CYP7B1: variants seen among roughly 807,000 people sequenced by gnomAD.
The protein encoded by CYP7B1 is cytochrome P450 7B1.
CYP7B1 carries 29 observed loss-of-function variants against 42.7 expected under a neutral mutation model. The ratio of observed to expected loss-of-function variants is 0.68; its 90% CI spans 0.51 to 0.93. CYP7B1 has a LOEUF of 0.93. Among genes scored for constraint, CYP7B1 ranks in the 40% least tolerant of loss-of-function variants. CYP7B1 has a pLI of 0.00. For missense variants in CYP7B1, 655 were observed against 600.5 expected, an observed-to-expected ratio of 1.09 and a Z score of -0.95; for synonymous variants, 235 against 218.2, an observed-to-expected ratio of 1.08 and a Z score of -0.68.
At position 64,607,409 on chromosome 8, in the gene CYP7B1, A is replaced by C. The variant is rs917574039; in HGVS notation, c.1058-2552T>G. Among the ~76,000 whole-genome samples the C allele has an allele frequency of 3.5e-4, 54 of 152,190 alleles. 1 individual carries two copies. Among genetic ancestry groups the C allele is most frequent in the African/African-American group, 1.3e-3 (53 of 41,510 alleles). On this transcript the variant is annotated intron_variant, in intron 4 of 5. Transcript: ENST00000310193. ...ATTCGCTCTAGAATTAAAAAAAAAA[A>C]AAAAAAACTTTCCATATACTTATAA...
Position 64,596,407 on chromosome 8 carries a change from C to A in CYP7B1, c.*235G>T. 1 of 425,576 alleles carries A rather than the reference C, an allele frequency of 2.3e-6. No individual in the cohort carries two copies. Among genetic ancestry groups the A allele is most frequent in the Non-Finnish European group, 4.2e-6 (1 of 236,792 alleles). The allele number at this position is 425,576 out of a possible 1,614,324, so 26.4% of individuals were successfully genotyped here. A position where few individuals can be genotyped will look rare whatever the true frequency, so the allele number is the denominator to read the frequency against. On this transcript the variant is annotated 3_prime_UTR_variant, in exon 6 of 6. Transcript: ENST00000310193. ...AGAAACTAAAAAAACAACAACAACCCTGTTTTGAGCCTACCCTTAAGTTGA... is the reference window on the plus strand; with the variant it reads ...AGAAACTAAAAAAACAACAACAACCATGTTTTGAGCCTACCCTTAAGTTGA...
chr8:64,722,680 C>T (rs1016454942), intron 1 of CYP7B1, among the ~76,000 whole-genome samples: 5 of 125,724 alleles, frequency 4.0e-5, no homozygotes, highest in Admixed American at 1.1e-4. Flanking sequence ...ACTGGGATCT[C>T]GTAGTATAAA....
At chr8:64,691,770 C>T (rs2129632229) in intron 1 of CYP7B1, among the ~76,000 whole-genome samples, 1 of 152,288 alleles carries the variant, frequency 6.6e-6, no homozygotes, top group African/African-American at 2.4e-5. Context: ...CCAACCTCCC[C>T]CATCTGCAGT....
At chr8:64,747,052 T>C (rs1807653547) in intron 1 of CYP7B1, among the ~76,000 whole-genome samples, 1 of 151,246 alleles carries the variant, frequency 6.6e-6, no homozygotes, top group Admixed American at 6.6e-5. Flanking sequence ...GAATTTGAAT[T>C]GATAAATTAA....
At chr8:64,694,345 A>G (rs1806791701) in intron 1 of CYP7B1, among the ~76,000 whole-genome samples, 1 of 152,226 alleles carries the variant, frequency 6.6e-6, no homozygotes. Context: ...GTAATTTTAA[A>G]TATGGCTTTT....
chr8:64,784,064 C>T (rs1804478914), intron 1 of CYP7B1, among the ~76,000 whole-genome samples: 1 of 151,994 alleles, frequency 6.6e-6, no homozygotes, highest in Admixed American at 6.6e-5. Context: ...AAACAAATAT[C>T]AAGAAAACCA....
At chr8:64,662,273 C>T (rs893129850) in intron 1 of CYP7B1, among the ~76,000 whole-genome samples, 11 of 151,884 alleles carry the variant, frequency 7.2e-5, no homozygotes, top group East Asian at 3.9e-4. Context: ...GTCGAGGCTG[C>T]GGTGTGCTTT....
At chr8:64,773,065 AT>A (rs1440084111) in intron 1 of CYP7B1, among the ~76,000 whole-genome samples, 1 of 152,000 alleles carries the variant, frequency 6.6e-6, no homozygotes, top group Non-Finnish European at 1.5e-5. Flanking sequence ...ACCCTGCTAT[AT>A]TTTTTCCACT....
At chr8:64,739,830 G>C (rs1807542935) in intron 1 of CYP7B1, among the ~76,000 whole-genome samples, 3 of 152,006 alleles carry the variant, frequency 2.0e-5, no homozygotes, top group Admixed American at 2.0e-4. Flanking sequence ...TAAGAATTAT[G>C]GTAGACTTCT....
chr8:64,722,741 GGC>G (rs1443098680), intron 1 of CYP7B1, among the ~76,000 whole-genome samples: 434 of 37,214 alleles, frequency 0.012, 37 homozygotes, highest in African/African-American at 0.025. Context: ...GATTTTTTGC[GGC>G]GGGGGGGGGG....
chr8:64,771,210 G>A (rs1474551277), intron 1 of CYP7B1, among the ~76,000 whole-genome samples: 2 of 151,470 alleles, frequency 1.3e-5, no homozygotes, highest in Non-Finnish European at 2.9e-5. Flanking sequence ...ACAGGTGCAT[G>A]CCACCATGCC....
chr8:64,691,160 C>G (rs1308703853), intron 1 of CYP7B1, among the ~76,000 whole-genome samples: 1 of 152,146 alleles, frequency 6.6e-6, no homozygotes, highest in African/African-American at 2.4e-5. Flanking sequence ...CAAAAAGTCT[C>G]AATAGACATG....
chr8:64,599,146 A>G (rs777594749), intron 5 of CYP7B1, among the ~76,000 whole-genome samples: 16 of 152,284 alleles, frequency 1.1e-4, no homozygotes, highest in Non-Finnish European at 2.4e-4. Context: ...TTCATTTGGA[A>G]AAACTTAAAC....
intron 1 of CYP7B1, among the ~76,000 whole-genome samples, chr8:64,745,054 G>A (rs1277137264): frequency 6.6e-6 from 1 of 152,144 alleles, no homozygotes; most frequent in Non-Finnish European, 1.5e-5. Flanking sequence ...AATGAAAGAT[G>A]TCTTTCAGAT....
intron 1 of CYP7B1, among the ~76,000 whole-genome samples, chr8:64,629,829 G>T: frequency 6.6e-6 from 1 of 152,234 alleles, no homozygotes; most frequent in East Asian, 1.9e-4. Flanking sequence ...TTGCATGTTT[G>T]TCAGGATATC....
rs114067006 is a variant in CYP7B1 at position 64,604,807 on chromosome 8, G to A, written c.1108C>T (p.Arg370Cys). 5.6e-6 allele frequency: 9 copies of A among 1,614,132 alleles called. No individual in the cohort carries two copies. The East Asian group carries it at 8.9e-5, about 16-fold the overall frequency. Residue 370 changes from arginine (R) to cysteine (C), a missense_variant, in exon 5 of 6, where the codon CGT (arginine) becomes TGT (cysteine). Transcript: ENST00000310193. ...AGAGTCAAATCCTCCTCAACAAAAC[G>A]AATGGTGGTTGAATATGAGGACAGT... ...LRLSSYSTTI[R>C]FVEEDLTLSS...
In CYP7B1 at chr8:64,596,346, G is replaced by A. The variant is rs1466638225; in HGVS notation, c.*296C>T. 4 of 284,606 alleles carry A rather than the reference G, an allele frequency of 1.4e-5. No individual in the cohort carries two copies. The highest frequency in any genetic ancestry group is 1.5e-4 in the East Asian group (2 of 13,300). The allele number at this position is 284,606 out of a possible 1,614,324, so 17.6% of individuals were successfully genotyped here. On this transcript the variant is annotated 3_prime_UTR_variant, in exon 6 of 6. Transcript: ENST00000310193. Reference sequence around the variant, plus strand: ...CAGTGCCCAATCTATTGGTGTGAAGGTACATTTATTATAACAGGTGAAAAT... The same window carrying A: ...CAGTGCCCAATCTATTGGTGTGAAGATACATTTATTATAACAGGTGAAAAT...
At chr8:64,749,270 G>A (rs1008872483) in intron 1 of CYP7B1, among the ~76,000 whole-genome samples, 1 of 151,842 alleles carries the variant, frequency 6.6e-6, no homozygotes, top group Non-Finnish European at 1.5e-5. Context: ...TAGTAGAGAC[G>A]GGGTTTCACC....
intron 1 of CYP7B1, among the ~76,000 whole-genome samples, chr8:64,783,675 G>A (rs976243069): frequency 1.3e-5 from 2 of 151,996 alleles, no homozygotes; most frequent in Non-Finnish European, 2.9e-5. Context: ...GGTATTCTGA[G>A]CTTTACCTCA....
Sources: gnomAD v4.1 joint callset for allele counts (sites outside exome capture counted in the v4.1 genomes callset) on GRCh38, gnomAD v4.1.1 for gene constraint, MANE v1.5 for transcripts, NCBI Gene and HGNC (gene_info 2026-07-23, HGNC 2026-07-21) for gene names.